DNAJC11: variants seen among roughly 807,000 people sequenced by gnomAD.
The protein encoded by DNAJC11 is dnaJ homolog subfamily C member 11.
In DNAJC11, 15 loss-of-function variants were observed where a neutral mutation model predicts 78.6. That is an observed-to-expected ratio of 0.19 (90% confidence interval 0.13 to 0.29). The LOEUF (loss-of-function observed/expected upper bound fraction) is 0.29, where lower values mean the gene tolerates loss of function less well. DNAJC11 is among the 10% of genes least tolerant of loss of function. DNAJC11 has a pLI of 1.00. For missense variants in DNAJC11, 547 were observed against 709.6 expected (o/e 0.77, Z 2.60); for synonymous variants, 292 against 272.1 (o/e 1.07, Z -0.72).
intron 7 of DNAJC11, 91 bp downstream of exon 7, chr1:6,651,438 G>C: frequency 8.7e-7 from 1 of 1,148,426 alleles, no homozygotes; most frequent in Non-Finnish European, 1.3e-6. Flanking sequence ...AGACAAGATA[G>C]TGCCAACCAC....
intron 3 of DNAJC11, among the ~76,000 whole-genome samples, chr1:6,673,467 C>T (rs1330581582): frequency 6.6e-6 from 1 of 152,060 alleles, no homozygotes; most frequent in African/African-American, 2.4e-5. Flanking sequence ...GAGGGTTAAG[C>T]GACATCATTT....
chr1:6,646,249 G>A (rs1641963978), intron 7 of DNAJC11, among the ~76,000 whole-genome samples: 1 of 152,132 alleles, frequency 6.6e-6, no homozygotes, highest in Non-Finnish European at 1.5e-5. Context: ...GCATTCCTAT[G>A]CCAGCAGATG....
chr1:6,650,041 T>A (rs1314088608), intron 7 of DNAJC11, among the ~76,000 whole-genome samples: 1 of 150,534 alleles, frequency 6.6e-6, no homozygotes, highest in East Asian at 2.0e-4. Flanking sequence ...GCCAGCACTT[T>A]GGGAGGCCAA....
intron 10 of DNAJC11, among the ~76,000 whole-genome samples, chr1:6,641,388 A>ATATATATAT (rs56162109): frequency 1.7e-5 from 2 of 114,358 alleles, no homozygotes; most frequent in African/African-American, 6.3e-5. Context: ...AAAAAAAAAA[A>ATATATATAT]AAATATATAT....
At chr1:6,646,316 A>G (rs546630739) in intron 7 of DNAJC11, among the ~76,000 whole-genome samples, 44 of 152,174 alleles carry the variant, frequency 2.9e-4, no homozygotes, top group Non-Finnish European at 5.0e-4. Context: ...AGAATCACCA[A>G]CGGAGGGTCT....
chr1:6,647,400 G>T (rs1042770256), intron 7 of DNAJC11, among the ~76,000 whole-genome samples: 6 of 151,724 alleles, frequency 4.0e-5, no homozygotes, highest in Non-Finnish European at 8.8e-5. Context: ...CGATATTTTT[G>T]ATTTAAGATG....
chr1:6,678,490 G>C (rs1211893989), intron 2 of DNAJC11, 23 bp from the exon 3 acceptor site: 2 of 1,599,448 alleles, frequency 1.3e-6, no homozygotes, highest in Non-Finnish European at 1.7e-6. Context: ...AATTAAACAT[G>C]TTTATAAAAT....
At chr1:6,660,137 A>AT (rs1379481794) in intron 4 of DNAJC11, among the ~76,000 whole-genome samples, 1 of 145,964 alleles carries the variant, frequency 6.9e-6, no homozygotes, top group Non-Finnish European at 1.5e-5. Flanking sequence ...CCCCCACATC[A>AT]TTTCTCTCTC....
intron 3 of DNAJC11, among the ~76,000 whole-genome samples, chr1:6,671,699 T>C (rs568156620): frequency 6.7e-6 from 1 of 149,146 alleles, no homozygotes; most frequent in Non-Finnish European, 1.5e-5. Context: ...GCCCGGCTAA[T>C]TTTTTTGTAT....
intron 1 of DNAJC11, 125 bp downstream of exon 1, chr1:6,701,604 G>T: frequency 1.0e-6 from 1 of 976,202 alleles, no homozygotes; most frequent in Non-Finnish European, 1.4e-6. Flanking sequence ...CGTCGCCGGG[G>T]TCACGCGGCC....
chr1:6,647,173 C>T (rs534871315), intron 7 of DNAJC11, among the ~76,000 whole-genome samples: 1 of 149,672 alleles, frequency 6.7e-6, no homozygotes, highest in South Asian at 2.1e-4. Flanking sequence ...CCTCCGCCTC[C>T]TGGATTCAAG....
intron 12 of DNAJC11, chr1:6,638,064 A>C: frequency 2.2e-6 from 1 of 453,088 alleles, no homozygotes; most frequent in African/African-American, 2.0e-5. Context: ...AGAGGGAAGA[A>C]AAAGAGGCCA....
chr1:6,677,158 CAAAAAAAAA>C (rs1181692411), intron 3 of DNAJC11, among the ~76,000 whole-genome samples: 1 of 49,480 alleles, frequency 2.0e-5, no homozygotes, highest in African/African-American at 8.0e-5. Flanking sequence ...AACTTGGTCT[CAAAAAAAAA>C]AAAAAAACAA....
chr1:6,663,038 G>A (rs142142123), intron 4 of DNAJC11, among the ~76,000 whole-genome samples: 1 of 152,266 alleles, frequency 6.6e-6, no homozygotes, highest in Non-Finnish European at 1.5e-5. Flanking sequence ...GATTACAGGT[G>A]TGAGCCCCCA....
intron 4 of DNAJC11, among the ~76,000 whole-genome samples, chr1:6,659,247 T>A (rs183262892): frequency 6.6e-6 from 1 of 152,354 alleles, no homozygotes; most frequent in East Asian, 1.9e-4. Flanking sequence ...CTCCTACTAA[T>A]GTCTTCAACT....
intron 6 of DNAJC11, 67 bp downstream of exon 6, chr1:6,652,762 G>C: frequency 1.9e-6 from 3 of 1,601,354 alleles, no homozygotes; most frequent in Non-Finnish European, 2.6e-6. Flanking sequence ...GGTGAGCTTT[G>C]AGAGTGTAAA....
chr1:6,658,170 G>C (rs1642159619), intron 4 of DNAJC11, among the ~76,000 whole-genome samples: 1 of 152,166 alleles, frequency 6.6e-6, no homozygotes, highest in African/African-American at 2.4e-5. Context: ...GGGACTGAGG[G>C]CTCCGGGATG....
At chr1:6,660,564 T>G (rs1489633544) in intron 4 of DNAJC11, among the ~76,000 whole-genome samples, 4 of 152,206 alleles carry the variant, frequency 2.6e-5, no homozygotes, top group Non-Finnish European at 4.4e-5. Context: ...TGCGGAATGT[T>G]CACATTCCTA....
At position 6,634,267 on chromosome 1, in the gene DNAJC11, C is replaced by T. The variant is rs14747; in HGVS notation, c.*1408G>A. 0.017 allele frequency: 14,861 copies of T among 861,622 alleles called. 184 individuals are homozygous for T. The highest frequency in any genetic ancestry group is 0.022 in the Non-Finnish European group (12,379 of 572,882). The allele number at this position is 861,622 out of a possible 1,614,324, so 53.4% of individuals were successfully genotyped here. The stretch of plus-strand genomic sequence containing the variant: ...TGCCCAGAAGCACCTGCGGCAGAGG[C>T]GCACGGGAAGCCCGGGGCCCAGGCT... On this transcript the variant is annotated 3_prime_UTR_variant, in exon 16 of 16. Coordinates refer to ENST00000377577, the MANE Select transcript of DNAJC11 (RefSeq NM_018198.4).
Sources: allele counts gnomAD v4.1 joint callset (sites outside exome capture counted in the v4.1 genomes callset), GRCh38; gene constraint gnomAD v4.1.1; transcripts MANE v1.5; gene names NCBI Gene and HGNC (gene_info 2026-07-23, HGNC 2026-07-21).